CAMTA1: variants seen among roughly 807,000 people sequenced by gnomAD.
The protein encoded by CAMTA1 is calmodulin binding transcription activator 1.
CAMTA1 carries 27 observed loss-of-function variants against 170.9 expected under a neutral mutation model. The ratio of observed to expected loss-of-function variants is 0.16; its 90% confidence interval spans 0.12 to 0.22. The LOEUF (loss-of-function observed/expected upper bound fraction) is 0.22, where lower values mean the gene tolerates loss of function less well. Ranked by LOEUF, CAMTA1 falls within the 10% of genes least tolerant of loss-of-function variation. CAMTA1 has a pLI of 1.00. For missense variants in CAMTA1, 1,619 were observed against 2,217.2 expected, an observed-to-expected ratio of 0.73 and a Z score of 5.42; for synonymous variants, 833 against 891.5, an observed-to-expected ratio of 0.93 and a Z score of 1.17.
chr1:6,935,485 A>G (rs960686759), intron 3 of CAMTA1, among the ~76,000 whole-genome samples: 1 of 152,054 alleles, frequency 6.6e-6, no homozygotes, highest in East Asian at 1.9e-4. Flanking sequence ...GTTGGCACAC[A>G]CTTTATTTTA....
At chr1:7,709,776 C>G (rs1448836789) in intron 11 of CAMTA1, among the ~76,000 whole-genome samples, 4 of 152,200 alleles carry the variant, frequency 2.6e-5, no homozygotes, top group Non-Finnish European at 5.9e-5. Flanking sequence ...CCTTGTATCT[C>G]CGGCTCTCTT....
chr1:7,244,351 G>C (rs1320555916), intron 4 of CAMTA1, among the ~76,000 whole-genome samples: 1 of 152,200 alleles, frequency 6.6e-6, no homozygotes, highest in African/African-American at 2.4e-5. Context: ...CAGGGATCTA[G>C]AACCAGAAAT....
intron 1 of CAMTA1, among the ~76,000 whole-genome samples, chr1:6,797,751 C>G (rs1053222790): frequency 6.6e-6 from 1 of 152,038 alleles, no homozygotes; most frequent in African/African-American, 2.4e-5. Flanking sequence ...TTAAATGAAA[C>G]TAGAGCTTTG....
intron 16 of CAMTA1, 93 bp from the exon 17 acceptor site, chr1:7,744,742 T>C: frequency 6.5e-6 from 7 of 1,080,234 alleles, no homozygotes; most frequent in South Asian, 1.6e-5. Context: ...TGCCTGATTA[T>C]TTTTTTCTCT....
chr1:7,394,826 TGTG>T (rs1557645945), intron 5 of CAMTA1, among the ~76,000 whole-genome samples: 2 of 149,006 alleles, frequency 1.3e-5, no homozygotes, highest in African/African-American at 5.1e-5. Context: ...TGTGTGTGTG[TGTG>T]TGTGTGTGTG....
intron 5 of CAMTA1, among the ~76,000 whole-genome samples, chr1:7,288,542 GA>G (rs1320866155): frequency 6.6e-6 from 1 of 152,218 alleles, no homozygotes; most frequent in Non-Finnish European, 1.5e-5. Flanking sequence ...GGGCATGGAA[GA>G]GGAGAGGCAG....
chr1:7,446,800 G>C (rs2092692165), intron 5 of CAMTA1, among the ~76,000 whole-genome samples: 1 of 152,200 alleles, frequency 6.6e-6, no homozygotes, highest in Non-Finnish European at 1.5e-5. Flanking sequence ...CCTTCCCCGG[G>C]GCTGTGGAGG....
intron 3 of CAMTA1, among the ~76,000 whole-genome samples, chr1:6,881,717 C>T (rs933720582): frequency 1.3e-5 from 2 of 152,132 alleles, no homozygotes; most frequent in African/African-American, 2.4e-5. Flanking sequence ...TCTGTAACCC[C>T]AGCACTTCGG....
At chr1:7,718,177 A>T (rs756625157) in intron 11 of CAMTA1, among the ~76,000 whole-genome samples, 1 of 146,536 alleles carries the variant, frequency 6.8e-6, no homozygotes, top group Non-Finnish European at 1.5e-5. Flanking sequence ...GCCTTGGCGC[A>T]GTCTTAGCCA....
In CAMTA1 at chr1:6,796,382, C is replaced by T. The variant is rs149663169; in HGVS notation, c.45+10807C>T. Among the ~76,000 whole-genome samples the T allele has an allele frequency of 3.7e-3, 560 of 152,144 alleles. 2 individuals carry two copies. The highest frequency in any genetic ancestry group is 6.8e-3 in the Middle Eastern group (2 of 294). On this transcript the variant is annotated intron_variant, in intron 1 of 22. Coordinates refer to ENST00000303635, the MANE Select transcript of CAMTA1 (RefSeq NM_015215.4). Reference sequence around the variant, plus strand: ...CCAACTTGTGAATGCAAGTGATCCACCCACTTTGGCCTCCCAGAGTGCTGG... The same window carrying T: ...CCAACTTGTGAATGCAAGTGATCCATCCACTTTGGCCTCCCAGAGTGCTGG...
At chr1:7,103,854 C>CAG (rs1195686633) in intron 4 of CAMTA1, among the ~76,000 whole-genome samples, 736 of 37,968 alleles carry the variant, frequency 0.019, 9 homozygotes, top group African/African-American at 0.11. Context: ...GTACACACAA[C>CAG]ACACATACAC....
At chr1:6,925,246 G>C (rs12072191) in intron 3 of CAMTA1, among the ~76,000 whole-genome samples, 3,117 of 152,308 alleles carry the variant, frequency 0.02, 121 homozygotes, top group African/African-American at 0.071. Flanking sequence ...CCTTGGCCCA[G>C]GCCTCTTTCC....
chr1:7,237,660 TC>T (rs1163848453), intron 4 of CAMTA1, among the ~76,000 whole-genome samples: 1 of 152,212 alleles, frequency 6.6e-6, no homozygotes, highest in African/African-American at 2.4e-5. Flanking sequence ...ACCCCTCTGA[TC>T]TTCAGTTATT....
chr1:6,972,038 GGAGGGGCGGGGGTAGAGTGAAGGCCCCA>G (rs1418111752), intron 3 of CAMTA1, among the ~76,000 whole-genome samples: 6 of 152,234 alleles, frequency 3.9e-5, no homozygotes. Context: ...TGTTGGAGAA[GGAGGGGCGGGGGTAGAGTGAAGGCCCCA>G]GAAGGAGAAC....
intron 3 of CAMTA1, among the ~76,000 whole-genome samples, chr1:6,925,668 T>C (rs566065878): frequency 6.6e-6 from 1 of 152,300 alleles, no homozygotes; most frequent in Non-Finnish European, 1.5e-5. Flanking sequence ...GGCTGGACTA[T>C]TGAGCCCCAG....
At chr1:6,829,289 T>C (rs1024832224) in intron 3 of CAMTA1, among the ~76,000 whole-genome samples, 2 of 152,250 alleles carry the variant, frequency 1.3e-5, no homozygotes, top group African/African-American at 4.8e-5. Flanking sequence ...TGAAAGTCAC[T>C]AAAAGGAAGA....
At chr1:7,220,492 C>T (rs1023126915) in intron 4 of CAMTA1, among the ~76,000 whole-genome samples, 4 of 152,136 alleles carry the variant, frequency 2.6e-5, no homozygotes, top group South Asian at 2.1e-4. Context: ...TTCCCGGGAG[C>T]GTTCAGATCC....
At chr1:7,187,391 A>C in intron 4 of CAMTA1, among the ~76,000 whole-genome samples, 1 of 152,326 alleles carries the variant, frequency 6.6e-6, no homozygotes, top group East Asian at 1.9e-4. Flanking sequence ...CATAAAATAC[A>C]CATTCTTTTA....
intron 5 of CAMTA1, among the ~76,000 whole-genome samples, chr1:7,312,316 A>C (rs71582094): frequency 2.0e-5 from 3 of 151,934 alleles, no homozygotes; most frequent in African/African-American, 4.8e-5. Flanking sequence ...GAAAAAAAAA[A>C]CAAAAAACGG....
Sources: gnomAD v4.1 joint callset for allele counts (sites outside exome capture counted in the v4.1 genomes callset) on GRCh38, gnomAD v4.1.1 for gene constraint, MANE v1.5 for transcripts, NCBI Gene and HGNC (gene_info 2026-07-23, HGNC 2026-07-21) for gene names.